The following DNAJB6 variants were observed in gnomAD, a reference collection of about 807,000 sequenced individuals.
DNAJB6 encodes the protein dnaJ homolog subfamily B member 6.
Under a neutral mutation model 42.7 loss-of-function variants are expected in DNAJB6, and 16 were observed. The ratio of observed to expected loss-of-function variants is 0.37; its 90% CI spans 0.25 to 0.57. The LOEUF is 0.57. Ranked by LOEUF, DNAJB6 falls within the 20% of genes least tolerant of loss-of-function variation. DNAJB6 has a pLI of 0.74. For synonymous variants in DNAJB6, 170 were observed against 163.5 expected (o/e 1.04, Z -0.30); for missense variants, 347 against 416.8 (o/e 0.83, Z 1.46).
At chr7:157,357,831 G>A (rs1799386805) in intron 1 of DNAJB6, among the ~76,000 whole-genome samples, 1 of 152,110 alleles carries the variant, frequency 6.6e-6, no homozygotes. Context: ...TAATCCATAG[G>A]GGAACTTAGA....
intron 5 of DNAJB6, among the ~76,000 whole-genome samples, chr7:157,373,951 G>A (rs779152875): frequency 2.0e-5 from 3 of 152,152 alleles, no homozygotes; most frequent in South Asian, 4.1e-4. Flanking sequence ...GGAGGCTGAG[G>A]TAGGAGATTC....
intron 4 of DNAJB6, among the ~76,000 whole-genome samples, chr7:157,366,846 A>G (rs1345712169): frequency 1.3e-5 from 2 of 152,252 alleles, no homozygotes; most frequent in Non-Finnish European, 2.9e-5. Flanking sequence ...ACGTTATGTC[A>G]AAATATCCTA....
chr7:157,403,624 C>T (rs1410296704), intron 8 of DNAJB6, among the ~76,000 whole-genome samples: 2 of 151,182 alleles, frequency 1.3e-5, no homozygotes, highest in Admixed American at 1.3e-4. Context: ...GGTGTGCACC[C>T]CTGTGCCCTG....
chr7:157,402,985 C>G (rs901831768), intron 8 of DNAJB6, among the ~76,000 whole-genome samples: 7 of 152,184 alleles, frequency 4.6e-5, no homozygotes, highest in African/African-American at 1.7e-4. Flanking sequence ...GCCCGTGACA[C>G]AGCCTCAGGA....
intron 1 of DNAJB6, among the ~76,000 whole-genome samples, chr7:157,340,995 T>TGC (rs751064853): frequency 0.027 from 2,731 of 99,720 alleles, 58 homozygotes; most frequent in African/African-American, 0.067. Flanking sequence ...TGTGTGTGTG[T>TGC]GTGCGCGCGC....
chr7:157,369,468 C>T (rs1800007825), intron 5 of DNAJB6: 1 of 455,598 alleles, frequency 2.2e-6, no homozygotes, highest in Non-Finnish European at 4.4e-6. Context: ...TCTTCTGGGG[C>T]ACACGAGGTG....
chr7:157,414,517 C>CCT (rs373098480), intron 9 of DNAJB6: 4 of 152,314 alleles, frequency 2.6e-5, no homozygotes, highest in African/African-American at 9.6e-5. Flanking sequence ...GGCACACAGG[C>CCT]CTCTCTCTGT....
intron 8 of DNAJB6, among the ~76,000 whole-genome samples, chr7:157,398,991 A>G (rs1801724205): frequency 6.6e-6 from 1 of 152,262 alleles, no homozygotes; most frequent in Admixed American, 6.5e-5. Context: ...CTATATAGAA[A>G]GATTTTAGAA....
At chr7:157,338,812 G>C (rs772067909) in intron 1 of DNAJB6, among the ~76,000 whole-genome samples, 1 of 152,204 alleles carries the variant, frequency 6.6e-6, no homozygotes, top group Non-Finnish European at 1.5e-5. Flanking sequence ...CCTTAAGTTG[G>C]TAGATGTGGA....
At chr7:157,350,686 C>CTTTT (rs796448256) in intron 1 of DNAJB6, among the ~76,000 whole-genome samples, 2 of 133,772 alleles carry the variant, frequency 1.5e-5, no homozygotes, top group South Asian at 5.2e-4. Context: ...AGACAACAAC[C>CTTTT]TTTTTTTTTT....
intron 9 of DNAJB6, chr7:157,410,232 GT>G: frequency 1.9e-6 from 2 of 1,028,646 alleles, no homozygotes; most frequent in Non-Finnish European, 2.7e-6. Context: ...CGCGTGTCCT[GT>G]ACGCAGCGTG....
At chr7:157,406,686 G>A (rs992431474) in intron 8 of DNAJB6, among the ~76,000 whole-genome samples, 1 of 152,230 alleles carries the variant, frequency 6.6e-6, no homozygotes, top group African/African-American at 2.4e-5. Flanking sequence ...CTCTGAGCCC[G>A]CAGCCGGCCA....
intron 9 of DNAJB6, chr7:157,412,303 G>A (rs1796001606): frequency 6.6e-6 from 1 of 152,154 alleles, no homozygotes; most frequent in Non-Finnish European, 1.5e-5. Context: ...GGTGCTGGTG[G>A]GTGACAGGGA....
chr7:157,416,203 C>A lies in DNAJB6; in HGVS notation c.*105C>A. The A allele has an allele frequency of 6.6e-7, 1 of 1,507,212 alleles. No individual in the cohort carries two copies. The highest frequency in any genetic ancestry group is 1.2e-5 in the South Asian group (1 of 82,928). The allele number at this position is 1,507,212 out of a possible 1,614,324, so 93.4% of individuals were successfully genotyped here. ...GTAGCAGCGTCGGTCAGGACTGTCT[C>A]GAGGCCACACTCGCTCGGCAGGATT... is the stretch of plus-strand genomic sequence containing the variant. On this transcript the variant is annotated 3_prime_UTR_variant, in exon 10 of 10. Coordinates refer to ENST00000262177, the MANE Select transcript of DNAJB6 (RefSeq NM_058246.4).
At chr7:157,375,681 C>T (rs1420133944) in intron 5 of DNAJB6, among the ~76,000 whole-genome samples, 4 of 152,158 alleles carry the variant, frequency 2.6e-5, no homozygotes, top group Non-Finnish European at 4.4e-5. Context: ...GCTCCCATTG[C>T]GTGTTGTATT....
chr7:157,399,744 C>T (rs768060703), intron 8 of DNAJB6, among the ~76,000 whole-genome samples: 1 of 152,202 alleles, frequency 6.6e-6, no homozygotes, highest in Non-Finnish European at 1.5e-5. Flanking sequence ...TTGTGGCTCA[C>T]TGCAACGTCC....
intron 9 of DNAJB6, 162 bp downstream of exon 9, chr7:157,410,163 C>T: frequency 1.4e-6 from 2 of 1,398,440 alleles, no homozygotes; most frequent in East Asian, 2.8e-5. Flanking sequence ...CTGCTCCTCT[C>T]CCGCTCGCGG....
intron 1 of DNAJB6, among the ~76,000 whole-genome samples, chr7:157,349,002 A>G (rs568311372): frequency 1.1e-4 from 16 of 152,252 alleles, no homozygotes; most frequent in South Asian, 2.1e-4. Context: ...CATGGTCTCT[A>G]TACCATCTCC....
At chr7:157,345,392 G>A (rs560109370) in intron 1 of DNAJB6, among the ~76,000 whole-genome samples, 267 of 152,236 alleles carry the variant, frequency 1.8e-3, no homozygotes, top group Non-Finnish European at 3.0e-3. Context: ...ATGGCTCACA[G>A]CATCCTTGAT....
Sources: gnomAD v4.1 joint callset for allele counts (sites outside exome capture counted in the v4.1 genomes callset) on GRCh38, gnomAD v4.1.1 for gene constraint, MANE v1.5 for transcripts, NCBI Gene and HGNC (gene_info 2026-07-23, HGNC 2026-07-21) for gene names.